Variants in AKAP9 observed in about 807,000 individuals in gnomAD.
The protein encoded by AKAP9 is A-kinase anchoring protein 9.
A neutral mutation model predicts 488.5 loss-of-function variants in AKAP9; 311 were observed. The observed-to-expected ratio is 0.64, with a 90% CI of 0.58 to 0.70. The LOEUF is 0.70. Ranked by LOEUF, AKAP9 falls within the 30% of genes least tolerant of loss-of-function variation. The probability of loss-of-function intolerance (pLI) is 0.00; values close to 1 mark genes in which losing one functional copy is unlikely to be tolerated. For missense variants in AKAP9, 4,215 were observed against 4,374.5 expected, an observed-to-expected ratio of 0.96 and a Z score of 1.03; for synonymous variants, 1,462 against 1,483.5, an observed-to-expected ratio of 0.99 and a Z score of 0.33.
intron 28 of AKAP9, among the ~76,000 whole-genome samples, chr7:92,076,345 G>A (rs10272903): frequency 6.6e-6 from 1 of 152,118 alleles, no homozygotes; most frequent in African/African-American, 2.4e-5. Context: ...GGATCTCTTG[G>A]TCTTAGTTTC....
At chr7:91,978,604 C>T (rs1795998405) in intron 2 of AKAP9, among the ~76,000 whole-genome samples, 1 of 152,090 alleles carries the variant, frequency 6.6e-6, no homozygotes, top group East Asian at 1.9e-4. Flanking sequence ...GATAGTGAAA[C>T]AAGAATGACT....
chr7:91,994,656 T>C lies in AKAP9; in HGVS notation c.612T>C (p.Asp204=). The change falls in exon 6 of 50, where the codon GAT becomes GAC. Residue 204 remains aspartate (D), a synonymous_variant. Transcript: ENST00000356239. The part of the protein sequence containing the change: ...QEFEAAIKQR[D]GIITQLTANL... ...TTGAAGCTGCCATTAAACAAAGAGA[T>C]GGCATTATAACCCAGCTCACTGCTA... 1 of 1,613,312 alleles carries C rather than the reference T, an allele frequency of 6.2e-7. No homozygotes were observed.
In AKAP9 at chr7:92,079,439, G is replaced by C. The variant is rs1231305160; in HGVS notation, c.7306G>C (p.Glu2436Gln). The C allele has an allele frequency of 6.2e-7, 1 of 1,614,082 alleles. No homozygotes were observed. Residue 2436 changes from glutamate (E) to glutamine (Q), a missense_variant, in exon 31 of 50, where the codon GAA becomes CAA. By Grantham distance (29) the Glu-to-Gln change is conservative. Transcript: ENST00000356239. ...ACAGGAATTATTCAGCTTAAAGAGA[G>C]AACGTGAAAGTGTGGAAAAGATTCA... ...LTQELFSLKR[E>Q]RESVEKIQSI...
rs1280293616 is a variant in AKAP9 at position 92,002,690 on chromosome 7, G to A, written c.2773G>A (p.Ala925Thr). ...SVFDEDKTFV[A>T]ETLEMGEVVE... ...CTTTGATGAAGACAAAACTTTTGTAGCAGAAACATTGGAAATGGGTGAGGT... is the reference window on the plus strand; with the variant it reads ...CTTTGATGAAGACAAAACTTTTGTAACAGAAACATTGGAAATGGGTGAGGT... The change falls in exon 8 of 50, where the codon GCA becomes ACA. Residue 925 changes from alanine to threonine, a missense_variant. By Grantham distance (58) the Ala-to-Thr change is moderately conservative. Transcript: ENST00000356239. The A allele has an allele frequency of 4.3e-6, 7 of 1,613,382 alleles. No homozygotes were observed. The highest frequency in any genetic ancestry group is 5.9e-6 in the Non-Finnish European group (7 of 1,179,688).
chr7:92,077,098 T>A (rs1812727060), intron 29 of AKAP9, 91 bp downstream of exon 29: 2 of 364,632 alleles, frequency 5.5e-6, no homozygotes, highest in African/African-American at 2.4e-5. Flanking sequence ...ATTTCTTTCT[T>A]TTTTTTTTTT....
intron 1 of AKAP9, among the ~76,000 whole-genome samples, chr7:91,968,348 A>G (rs181084054): frequency 4.3e-4 from 65 of 152,100 alleles, no homozygotes; most frequent in African/African-American, 1.5e-3. Context: ...CCAGGAATTT[A>G]TTTATCTTTT....
chr7:91,998,882 T>C (rs1461269650), intron 7 of AKAP9, among the ~76,000 whole-genome samples: 2 of 152,128 alleles, frequency 1.3e-5, no homozygotes, highest in African/African-American at 4.8e-5. Flanking sequence ...TTCTGTGAGA[T>C]AGAGGAAATA....
At position 92,031,548 on chromosome 7, in the gene AKAP9, A is replaced by G. The variant is rs368183690; in HGVS notation, c.4282A>G (p.Ile1428Val). The G allele has an allele frequency of 2.7e-5, 43 of 1,612,768 alleles. No homozygotes were observed. Among genetic ancestry groups the G allele is most frequent in the Admixed American group, 6.7e-5 (4 of 59,990 alleles). ...ATTTGGAGTGAAAGAGGAAACAAATATCGTTAAGTTGCTTGAAAAACAATA... is the reference window on the plus strand; with the variant it reads ...ATTTGGAGTGAAAGAGGAAACAAATGTCGTTAAGTTGCTTGAAAAACAATA... Reference protein sequence around the residue: ...GEFGVKEETNIVKLLEKQYQE... With the variant: ...GEFGVKEETNVVKLLEKQYQE... Residue 1428 changes from isoleucine to valine, a missense_variant, in exon 16 of 50, where the codon ATC becomes GTC. By Grantham distance (29) the Ile-to-Val change is conservative (BLOSUM62 3). Transcript: ENST00000356239.
At chr7:91,988,136 A>G (rs553160706) in intron 3 of AKAP9, among the ~76,000 whole-genome samples, 10 of 152,126 alleles carry the variant, frequency 6.6e-5, no homozygotes, top group Admixed American at 6.5e-4. Context: ...ACACGGTAAG[A>G]TAGCTCATCA....
chr7:92,060,799 A>T (rs1053717242), intron 22 of AKAP9, among the ~76,000 whole-genome samples: 1 of 152,144 alleles, frequency 6.6e-6, no homozygotes, highest in Non-Finnish European at 1.5e-5. Flanking sequence ...CCATTGTATT[A>T]ATCATGTATT....
chr7:91,997,523 G>A (rs372772758), intron 7 of AKAP9, among the ~76,000 whole-genome samples: 49 of 152,316 alleles, frequency 3.2e-4, no homozygotes, highest in African/African-American at 1.1e-3. Flanking sequence ...GATCTCAACT[G>A]ATAGAAATGG....
chr7:92,097,696 A>T lies in AKAP9; in HGVS notation c.10509A>T (p.Gly3503=). 3 of 1,614,174 alleles carry T rather than the reference A, an allele frequency of 1.9e-6. No individual in the cohort carries two copies. Among genetic ancestry groups the T allele is most frequent in the Non-Finnish European group, 2.5e-6 (3 of 1,179,980 alleles). Residue 3503 remains glycine (G), a synonymous_variant, in exon 42 of 50, where the codon GGA becomes GGT. Transcript: ENST00000356239. ...ACGCTAAATTGATTGAAATGAATGGAGGAGGAACCGGCTGTAATCATGAAT... is the reference window on the plus strand; with the variant it reads ...ACGCTAAATTGATTGAAATGAATGGTGGAGGAACCGGCTGTAATCATGAAT... The part of the protein sequence containing the change: ...SNYAKLIEMN[G]GGTGCNHELE...
chr7:92,105,998 G>C lies in AKAP9; in HGVS notation c.11416+235G>C, dbSNP rs377235586. Among the ~76,000 whole-genome samples the C allele has an allele frequency of 2.6e-5, 4 of 152,366 alleles. No individual in the cohort carries two copies. In the East Asian group the frequency reaches 7.7e-4, roughly 29 times the overall value. On this transcript the variant is annotated intron_variant, in intron 47 of 49. Coordinates refer to ENST00000356239, the MANE Select transcript of AKAP9 (RefSeq NM_005751.5). ...ACTGCACATGTGAGGAATCTAGGTT[G>C]TGTGCTCCTTATGAGAATCTAACTA...
Position 92,082,486 on chromosome 7 carries a change from A to T in AKAP9, c.8020-36A>T, listed in dbSNP as rs200324679. The T allele has an allele frequency of 1.5e-4, 248 of 1,604,362 alleles. 1 individual carries two copies. Among genetic ancestry groups the T allele is most frequent in the African/African-American group, 1.2e-3 (93 of 74,592 alleles). On this transcript the variant is annotated intron_variant, in intron 31 of 49. Transcript: ENST00000356239. ...CCTTGAATTTAGCTATATTTTTTTT[A>T]AATTATGTGTTTCTTGTGTTTCCGC...
intron 12 of AKAP9, among the ~76,000 whole-genome samples, chr7:92,018,137 C>T (rs902529093): frequency 6.6e-6 from 1 of 152,100 alleles, no homozygotes; most frequent in African/African-American, 2.4e-5. Flanking sequence ...GCTTGTGCAT[C>T]GTGTTGCCAT....
chr7:92,051,386 A>G (rs147866994), intron 21 of AKAP9, among the ~76,000 whole-genome samples: 1 of 152,246 alleles, frequency 6.6e-6, no homozygotes, highest in Non-Finnish European at 1.5e-5. Flanking sequence ...TTTTGAGCAC[A>G]TGGAGTAATA....
chr7:91,965,610 C>G, intron 1 of AKAP9, among the ~76,000 whole-genome samples: 1 of 152,264 alleles, frequency 6.6e-6, no homozygotes, highest in South Asian at 2.1e-4. Context: ...ATCCTCCATA[C>G]AGTTTTCCAT....
chr7:92,095,168 C>G lies in AKAP9; in HGVS notation c.9724C>G (p.Leu3242Val). Residue 3242 changes from leucine (L) to valine (V), a missense_variant, in exon 40 of 50, where the codon CTT (leucine) becomes GTT (valine). Coordinates refer to ENST00000356239, the MANE Select transcript of AKAP9 (RefSeq NM_005751.5). ...GRSEERDKEE[L>V]EDLKFSLESQ... ...CAGTGAAGAACGGGATAAAGAAGAA[C>G]TTGAGGTACTGTTATCTTTGTCTTT... is the stretch of plus-strand genomic sequence containing the variant. 1 of 1,614,106 alleles carries G rather than the reference C, an allele frequency of 6.2e-7. No homozygotes were observed. The highest frequency in any genetic ancestry group is 8.5e-7 in the Non-Finnish European group (1 of 1,179,992).
intron 49 of AKAP9, 177 bp downstream of exon 49, chr7:92,108,810 A>T: frequency 1.3e-6 from 1 of 773,388 alleles, no homozygotes; most frequent in Non-Finnish European, 2.2e-6. Flanking sequence ...CTGACTTTAA[A>T]TAATTTAAGT....
Sources: allele counts gnomAD v4.1 joint callset (sites outside exome capture counted in the v4.1 genomes callset), GRCh38; gene constraint gnomAD v4.1.1; transcripts MANE v1.5; gene names NCBI Gene and HGNC (gene_info 2026-07-23, HGNC 2026-07-21).